SLC38A6: variants seen among roughly 807,000 people sequenced by gnomAD.
The protein encoded by SLC38A6 is N system amino acid transporter NAT-1.
Under a neutral mutation model 65.0 loss-of-function variants are expected in SLC38A6, and 73 were observed. The ratio of observed to expected loss-of-function variants is 1.12; its 90% CI spans 0.93 to 1.37. SLC38A6 has a LOEUF of 1.37. SLC38A6 is among the 40% of genes most tolerant of loss of function. The probability of loss-of-function intolerance (pLI) is 0.00; values close to 1 mark genes in which losing one functional copy is unlikely to be tolerated. For missense variants in SLC38A6, 561 were observed against 531.1 expected, an observed-to-expected ratio of 1.06 and a Z score of -0.55; for synonymous variants, 183 against 178.8, an observed-to-expected ratio of 1.02 and a Z score of -0.19.
intron 16 of SLC38A6, among the ~76,000 whole-genome samples, chr14:61,080,509 C>A (rs1296278535): frequency 6.6e-6 from 1 of 152,174 alleles, no homozygotes; most frequent in East Asian, 1.9e-4. Context: ...TGGTTCTTAC[C>A]AACTGCAGCT....
At chr14:61,061,432 G>C (rs1594771310) in intron 15 of SLC38A6, among the ~76,000 whole-genome samples, 1 of 152,172 alleles carries the variant, frequency 6.6e-6, no homozygotes. Flanking sequence ...TTAGTATCAA[G>C]GTGATGCTGG....
rs2139542528 is a variant in SLC38A6, at chr14:61,015,957, G to T, written c.363+1G>T. On this transcript the variant is annotated splice_donor_variant, in intron 4 of 15. Coordinates refer to ENST00000267488, the MANE Select transcript of SLC38A6 (RefSeq NM_153811.3). LOFTEE classifies it high-confidence loss of function. ...CTTTGCATTTGGATTACCTGGAAAG[G>T]TAATTTTTTTTCCTCCTCATTGTGT... 1.2e-6 allele frequency: 2 copies of T among 1,604,638 alleles called. No individual in the cohort carries two copies. Among genetic ancestry groups the T allele is most frequent in the East Asian group, 4.5e-5 (2 of 44,536 alleles).
intron 3 of SLC38A6, among the ~76,000 whole-genome samples, chr14:61,007,706 T>TTTATTTAATCTCATGCCTCA (rs11274436): frequency 6.6e-6 from 1 of 152,014 alleles, no homozygotes; most frequent in Admixed American, 6.6e-5. Context: ...AACACCGATA[T>TTTATTTAATCTCATGCCTCA]AAGTGACATA....
intron 15 of SLC38A6, among the ~76,000 whole-genome samples, chr14:61,075,268 T>C (rs1012779899): frequency 1.3e-5 from 2 of 152,166 alleles, no homozygotes; most frequent in East Asian, 3.9e-4. Context: ...CAAAAATACC[T>C]TGTGTGAACA....
downstream of SLC38A6, among the ~76,000 whole-genome samples, chr14:61,054,923 T>G (rs1427106015): frequency 6.6e-6 from 1 of 152,116 alleles, no homozygotes; most frequent in Admixed American, 6.6e-5. Flanking sequence ...AGAGAGGGTA[T>G]CCTCGTCTTA....
chr14:61,052,123 G>T lies in SLC38A6; in HGVS notation c.1278G>T (p.Trp426Cys). The change falls in exon 15 of 16, where the codon TGG (tryptophan) becomes TGT (cysteine). Residue 426 changes from tryptophan to cysteine, a missense_variant. Coordinates refer to ENST00000267488, the MANE Select transcript of SLC38A6 (RefSeq NM_153811.3). ...LKLSREDFLS[W>C]KKLGAFVLLI... ...TTAGCAGAGAGGATTTTCTGTCATG[G>T]AAAAAGCTTGGGGTAGGTTGTTTTT... 2 of 1,561,650 alleles carry T rather than the reference G, an allele frequency of 1.3e-6. No individual in the cohort carries two copies. The highest frequency in any genetic ancestry group is 2.3e-5 in the East Asian group (1 of 43,206).
intron 8 of SLC38A6, among the ~76,000 whole-genome samples, chr14:61,040,027 G>A (rs1472923854): frequency 6.6e-6 from 1 of 151,802 alleles, no homozygotes; most frequent in African/African-American, 2.4e-5. Context: ...CCATCAAGAT[G>A]GATTTACCTT....
At chr14:61,076,376 C>A (rs189640253) in intron 15 of SLC38A6, among the ~76,000 whole-genome samples, 1 of 152,228 alleles carries the variant, frequency 6.6e-6, no homozygotes, top group Non-Finnish European at 1.5e-5. Flanking sequence ...GCTGGCACTT[C>A]GGTGTATAGA....
intron 3 of SLC38A6, among the ~76,000 whole-genome samples, chr14:60,987,760 G>A (rs769031953): frequency 6.6e-6 from 1 of 152,154 alleles, no homozygotes; most frequent in Non-Finnish European, 1.5e-5. Context: ...CCCCTCCACT[G>A]GCTTCCATGT....
intron 3 of SLC38A6, among the ~76,000 whole-genome samples, chr14:61,000,298 A>G (rs1167380573): frequency 6.6e-6 from 1 of 152,248 alleles, no homozygotes; most frequent in African/African-American, 2.4e-5. Flanking sequence ...TCCAAAATAA[A>G]CATGCAAGGC....
chr14:60,984,855 G>C, intron 3 of SLC38A6, 52 bp downstream of exon 3: 2 of 1,504,146 alleles, frequency 1.3e-6, no homozygotes, highest in East Asian at 2.3e-5. Flanking sequence ...TCTTGAGTTT[G>C]TATCTACATA....
intron 2 of SLC38A6, among the ~76,000 whole-genome samples, chr14:60,983,316 C>T (rs1440276717): frequency 6.6e-6 from 1 of 152,082 alleles, no homozygotes; most frequent in Non-Finnish European, 1.5e-5. Flanking sequence ...GATGGTGAAA[C>T]CCCATCTCTG....
intron 3 of SLC38A6, among the ~76,000 whole-genome samples, chr14:61,013,962 A>ATC (rs2039789298): frequency 1.3e-5 from 2 of 152,308 alleles, no homozygotes; most frequent in East Asian, 3.9e-4. Flanking sequence ...TCTCCTGGAT[A>ATC]ATATGCTGCA....
At chr14:61,075,195 C>T (rs2043358727) in intron 15 of SLC38A6, among the ~76,000 whole-genome samples, 1 of 152,102 alleles carries the variant, frequency 6.6e-6, no homozygotes, top group Non-Finnish European at 1.5e-5. Flanking sequence ...AGAACAGAAG[C>T]GTTTAATATT....
At position 61,067,326 on chromosome 14, in the gene SLC38A6, C is replaced by A. The variant is rs191815107; in HGVS notation, c.1291-11484C>A. ...AGTAAGCCGTTAAGCATTGAATATACGTACACTTTTATTACTTTACTGTCC... is the reference window on the plus strand; with the variant it reads ...AGTAAGCCGTTAAGCATTGAATATAAGTACACTTTTATTACTTTACTGTCC... On this transcript the variant is annotated intron_variant, in intron 15 of 16. Coordinates refer to the SLC38A6 transcript ENST00000354886. 3.9e-5 allele frequency among the ~76,000 whole-genome samples: 6 copies of A among 152,182 alleles called. No individual in the cohort carries two copies. The East Asian group carries it at 1.2e-3, about 29-fold the overall frequency.
At chr14:61,029,137 C>T (rs540086250) in intron 5 of SLC38A6, among the ~76,000 whole-genome samples, 1 of 148,230 alleles carries the variant, frequency 6.7e-6, no homozygotes, top group Non-Finnish European at 1.5e-5. Flanking sequence ...AATGTGCACA[C>T]AAAGTATACT....
At chr14:61,024,402 C>G (rs907782513) in intron 5 of SLC38A6, among the ~76,000 whole-genome samples, 1 of 152,204 alleles carries the variant, frequency 6.6e-6, no homozygotes, top group Non-Finnish European at 1.5e-5. Context: ...AGGTAACCCT[C>G]TGCAGCCCAT....
intron 3 of SLC38A6, among the ~76,000 whole-genome samples, chr14:61,006,856 A>C (rs1000683775): frequency 2.0e-5 from 3 of 152,224 alleles, no homozygotes; most frequent in Non-Finnish European, 4.4e-5. Flanking sequence ...TCATGCTGCT[A>C]TAAAGACACA....
At chr14:61,062,839 C>T (rs1171780407) in intron 15 of SLC38A6, among the ~76,000 whole-genome samples, 2 of 152,132 alleles carry the variant, frequency 1.3e-5, no homozygotes, top group Non-Finnish European at 2.9e-5. Context: ...CGCCACCACA[C>T]CCAGCTAATT....
Sources: allele counts gnomAD v4.1 joint callset (sites outside exome capture counted in the v4.1 genomes callset), GRCh38; gene constraint gnomAD v4.1.1; transcripts MANE v1.5; gene names NCBI Gene and HGNC (gene_info 2026-07-23, HGNC 2026-07-21).